SGMS2: variants seen among roughly 807,000 people sequenced by gnomAD.
SGMS2 encodes the protein sphingomyelin synthase 2.
A neutral mutation model predicts 43.8 loss-of-function variants in SGMS2; 21 were observed. The ratio of observed to expected loss-of-function variants is 0.48; its 90% CI spans 0.34 to 0.69. SGMS2 has a LOEUF of 0.69. SGMS2 is among the 30% of genes least tolerant of loss of function. SGMS2 has a pLI of 0.01. For missense variants in SGMS2, 384 were observed against 443.2 expected (o/e 0.87, Z 1.20); for synonymous variants, 167 against 160.6 (o/e 1.04, Z -0.30).
At chr4:107,843,912 G>T (rs1285907916) in intron 1 of SGMS2, among the ~76,000 whole-genome samples, 1 of 152,146 alleles carries the variant, frequency 6.6e-6, no homozygotes, top group East Asian at 1.9e-4. Flanking sequence ...TTATTTTTGG[G>T]GACCTGGCTG....
intron 1 of SGMS2, among the ~76,000 whole-genome samples, chr4:107,827,806 T>C (rs1448686438): frequency 6.6e-6 from 1 of 151,916 alleles, no homozygotes; most frequent in Non-Finnish European, 1.5e-5. Flanking sequence ...GCCAATATGG[T>C]AAAACTCCAT....
chr4:107,877,587 A>G (rs1367942610), intron 2 of SGMS2, among the ~76,000 whole-genome samples: 6 of 152,208 alleles, frequency 3.9e-5, no homozygotes, highest in Non-Finnish European at 7.4e-5. Context: ...GGAACAGGTA[A>G]TGCAAGTTGT....
intron 1 of SGMS2, among the ~76,000 whole-genome samples, chr4:107,841,424 CT>C (rs1415867934): frequency 4.5e-4 from 66 of 145,942 alleles, no homozygotes; most frequent in African/African-American, 8.3e-4. Context: ...GACTACAGAC[CT>C]TTTTTTTTTT....
intron 1 of SGMS2, among the ~76,000 whole-genome samples, chr4:107,851,654 C>A (rs1458959483): frequency 6.6e-6 from 1 of 152,140 alleles, no homozygotes; most frequent in African/African-American, 2.4e-5. Context: ...CAGCAAATAT[C>A]CTCTCTCCCT....
chr4:107,830,539 A>G (rs1725834144), intron 1 of SGMS2, among the ~76,000 whole-genome samples: 1 of 152,160 alleles, frequency 6.6e-6, no homozygotes, highest in African/African-American at 2.4e-5. Flanking sequence ...CAACCTTGCC[A>G]GCATGTTTTT....
intron 2 of SGMS2, among the ~76,000 whole-genome samples, chr4:107,884,322 C>T (rs1328720485): frequency 6.6e-6 from 1 of 152,150 alleles, no homozygotes; most frequent in Non-Finnish European, 1.5e-5. Context: ...TTTCTCCCTT[C>T]CTTCCCCTAT....
At chr4:107,844,986 C>T (rs1726734907) in intron 1 of SGMS2, among the ~76,000 whole-genome samples, 1 of 152,124 alleles carries the variant, frequency 6.6e-6, no homozygotes, top group Admixed American at 6.5e-5. Flanking sequence ...TTGTAGCTCT[C>T]CTAGAAAAGA....
chr4:107,862,429 C>T (rs1190303501), intron 2 of SGMS2, among the ~76,000 whole-genome samples: 4 of 152,060 alleles, frequency 2.6e-5, no homozygotes, highest in Admixed American at 1.3e-4. Context: ...GACAGATATG[C>T]GAATATGTGA....
At chr4:107,893,225 T>G (rs1019403573) in intron 2 of SGMS2, 3 of 152,168 alleles carry the variant, frequency 2.0e-5, no homozygotes, top group African/African-American at 7.2e-5. Context: ...CATTCTGTGT[T>G]CTAGAACCGA....
At chr4:107,829,015 GGA>G (rs200343260) in intron 1 of SGMS2, among the ~76,000 whole-genome samples, 15,112 of 152,146 alleles carry the variant, frequency 0.099, 1,038 homozygotes, top group African/African-American at 0.19. Flanking sequence ...ATTTTGCCAA[GGA>G]GCTCTCTGAA....
rs115034891 is a variant in SGMS2 at position 107,906,012 on chromosome 4, C to T, written c.728-2553C>T. On this transcript the variant is annotated intron_variant, in intron 5 of 6. Coordinates refer to ENST00000690982, the MANE Select transcript of SGMS2 (RefSeq NM_001375905.1). ...ACAAATCTGTAATACTTAACACAAA[C>T]TCAGTTTATAGTCAGTTCTGTATGT... 8.2e-3 allele frequency among the ~76,000 whole-genome samples: 1,253 copies of T among 152,268 alleles called. 16 individuals carry two copies. Among genetic ancestry groups the T allele is most frequent in the African/African-American group, 0.029 (1,186 of 41,532 alleles).
At chr4:107,899,971 T>C (rs1423094190) in intron 4 of SGMS2, among the ~76,000 whole-genome samples, 10 of 152,186 alleles carry the variant, frequency 6.6e-5, no homozygotes, top group Non-Finnish European at 1.5e-4. Context: ...AATGCTTTCA[T>C]TCTACAGGCA....
intron 1 of SGMS2, among the ~76,000 whole-genome samples, chr4:107,847,965 A>G (rs892679810): frequency 3.3e-5 from 5 of 152,100 alleles, no homozygotes; most frequent in Admixed American, 6.6e-5. Context: ...CACTTTTTAT[A>G]TTGTACATTC....
At chr4:107,864,824 A>G (rs1727995884) in intron 2 of SGMS2, among the ~76,000 whole-genome samples, 1 of 152,172 alleles carries the variant, frequency 6.6e-6, no homozygotes, top group South Asian at 2.1e-4. Flanking sequence ...TTGAAGGTAG[A>G]ATCCCTGTTT....
intron 1 of SGMS2, among the ~76,000 whole-genome samples, chr4:107,829,101 T>G (rs184029088): frequency 5.3e-4 from 81 of 152,340 alleles, no homozygotes; most frequent in Non-Finnish European, 1.2e-4. Flanking sequence ...TTTCAGGTGT[T>G]GCATTTAGCA....
At chr4:107,877,625 T>C (rs974051346) in intron 2 of SGMS2, among the ~76,000 whole-genome samples, 1 of 152,208 alleles carries the variant, frequency 6.6e-6, no homozygotes, top group African/African-American at 2.4e-5. Context: ...ACCACGTGTC[T>C]ATCTTGTACG....
At chr4:107,866,588 A>C (rs1728143359) in intron 2 of SGMS2, among the ~76,000 whole-genome samples, 1 of 151,934 alleles carries the variant, frequency 6.6e-6, no homozygotes, top group Non-Finnish European at 1.5e-5. Flanking sequence ...AAAAACAAAA[A>C]AAAAACAAAC....
chr4:107,892,325 G>T (rs948883421), intron 2 of SGMS2, among the ~76,000 whole-genome samples: 1 of 151,596 alleles, frequency 6.6e-6, no homozygotes, highest in Non-Finnish European at 1.5e-5. Flanking sequence ...TCTGGAATGG[G>T]TGCTTCCAGG....
At chr4:107,837,866 C>G (rs1019872881) in intron 1 of SGMS2, among the ~76,000 whole-genome samples, 4 of 152,108 alleles carry the variant, frequency 2.6e-5, no homozygotes, top group Admixed American at 6.6e-5. Context: ...AAAAATTAAG[C>G]ATGACTCCTA....
Sources: allele counts gnomAD v4.1 joint callset (sites outside exome capture counted in the v4.1 genomes callset), GRCh38; gene constraint gnomAD v4.1.1; transcripts MANE v1.5; gene names NCBI Gene and HGNC (gene_info 2026-07-23, HGNC 2026-07-21).